The following DMD variants were observed in gnomAD, a reference collection of about 807,000 sequenced individuals.
DMD encodes dystrophin, also known as mutant dystrophin.
In DMD, 63 loss-of-function variants were observed where a neutral mutation model predicts 330.1. The observed-to-expected ratio is 0.19, with a 90% CI of 0.16 to 0.24. The LOEUF is 0.24. DMD is among the 10% of genes least tolerant of loss of function. DMD has a pLI of 1.00. For missense variants in DMD, 3,344 were observed against 2,684.1 expected, an observed-to-expected ratio of 1.25 and a Z score of -5.43; for synonymous variants, 1,223 against 959.8, an observed-to-expected ratio of 1.27 and a Z score of -5.07.
At chrX:31,865,515 T>C (rs1232913695) in intron 48 of DMD, among the ~76,000 whole-genome samples, 1 of 112,062 alleles carries the variant, frequency 8.9e-6, no homozygotes, top group Non-Finnish European at 1.9e-5. Context: ...TACACATCTA[T>C]CTAAGGGAGT....
At chrX:32,598,098 C>A (rs2055775580) in intron 12 of DMD, among the ~76,000 whole-genome samples, 1 of 111,998 alleles carries the variant, frequency 8.9e-6, no homozygotes, top group African/African-American at 3.2e-5. Flanking sequence ...TTATCCTAGG[C>A]TTCTTATTTT....
At chrX:31,181,941 A>AT (rs2041197948) in intron 68 of DMD, among the ~76,000 whole-genome samples, 1 of 112,086 alleles carries the variant, frequency 8.9e-6, no homozygotes, top group African/African-American at 3.2e-5. Flanking sequence ...CAGAATTAGG[A>AT]TTTAGGATTA....
At chrX:31,564,357 T>C (rs913559033) in intron 55 of DMD, among the ~76,000 whole-genome samples, 1 of 111,733 alleles carries the variant, frequency 8.9e-6, no homozygotes, top group Non-Finnish European at 1.9e-5. Flanking sequence ...AAAATGTGTA[T>C]CGTATGCTAC....
chrX:32,215,629 C>A (rs1286147050), intron 44 of DMD, among the ~76,000 whole-genome samples: 8 of 111,522 alleles, frequency 7.2e-5, no homozygotes, highest in Non-Finnish European at 1.3e-4. Flanking sequence ...TATATAACTA[C>A]CTTGGGTTGG....
intron 37 of DMD, among the ~76,000 whole-genome samples, chrX:32,348,869 T>C (rs1325369172): frequency 8.9e-6 from 1 of 111,762 alleles, no homozygotes; most frequent in East Asian, 2.8e-4. Flanking sequence ...CTGATATAAA[T>C]ACATTTGGGT....
chrX:31,470,371 T>C (rs1157341917), intron 59 of DMD, among the ~76,000 whole-genome samples: 2 of 111,781 alleles, frequency 1.8e-5, no homozygotes, highest in Non-Finnish European at 3.8e-5. Flanking sequence ...TGGACGTCCT[T>C]TTTGTTGATG....
At chrX:32,539,197 A>G (rs1162132249) in intron 17 of DMD, among the ~76,000 whole-genome samples, 2 of 108,309 alleles carry the variant, frequency 1.8e-5, no homozygotes, top group Admixed American at 1.0e-4. Flanking sequence ...TTAACAAAAA[A>G]TAGTGTCTAA....
intron 50 of DMD, among the ~76,000 whole-genome samples, chrX:31,787,511 T>A (rs2091362998): frequency 8.9e-6 from 1 of 112,344 alleles, no homozygotes; most frequent in South Asian, 3.7e-4. Context: ...AGTTTTACAC[T>A]CCTTGGGTAT....
chrX:32,393,246 A>G (rs2098016833), intron 30 of DMD, among the ~76,000 whole-genome samples: 1 of 111,093 alleles, frequency 9.0e-6, no homozygotes, highest in Non-Finnish European at 1.9e-5. Context: ...CTGTATATGC[A>G]TACTGGATAC....
chrX:32,619,265 C>A (rs2057812474), intron 11 of DMD, among the ~76,000 whole-genome samples: 1 of 111,166 alleles, frequency 9.0e-6, no homozygotes, highest in Non-Finnish European at 1.9e-5. Flanking sequence ...AGAGCTGATC[C>A]CACAGAAGTA....
chrX:32,816,750 C>T, intron 5 of DMD, 110 bp from the exon 6 acceptor site: 1 of 727,705 alleles, frequency 1.4e-6, no homozygotes, highest in Non-Finnish European at 2.1e-6. Context: ...ATTTTAGGGC[C>T]AATTAGTAAT....
At chrX:31,912,816 C>T (rs983511565) in intron 47 of DMD, among the ~76,000 whole-genome samples, 1 of 112,129 alleles carries the variant, frequency 8.9e-6, no homozygotes, top group Non-Finnish European at 1.9e-5. Context: ...TGGATTCATG[C>T]CTTTGTGTAG....
chrX:32,433,315 C>A (rs750133055), intron 29 of DMD, among the ~76,000 whole-genome samples: 1 of 111,805 alleles, frequency 8.9e-6, no homozygotes, highest in Non-Finnish European at 1.9e-5. Flanking sequence ...AGAGATGGGT[C>A]TAAATGCTCA....
chrX:33,152,941 G>A (rs1569556605), intron 1 of DMD, among the ~76,000 whole-genome samples: 1 of 112,250 alleles, frequency 8.9e-6, no homozygotes, highest in Non-Finnish European at 1.9e-5. Context: ...AAGACAGAAG[G>A]CAATACATTT....
At chrX:32,264,400 A>C (rs757248955) in intron 43 of DMD, among the ~76,000 whole-genome samples, 1 of 111,790 alleles carries the variant, frequency 8.9e-6, no homozygotes, top group African/African-American at 3.3e-5. Flanking sequence ...TAATACAGTA[A>C]ATTGGTACCA....
At chrX:31,313,605 C>T (rs1400917825) in intron 62 of DMD, among the ~76,000 whole-genome samples, 2 of 111,101 alleles carry the variant, frequency 1.8e-5, no homozygotes, top group African/African-American at 6.6e-5. Flanking sequence ...TGAACCTGGG[C>T]TTTTAGTGTA....
At chrX:31,846,210 T>C (rs1362129001) in intron 48 of DMD, among the ~76,000 whole-genome samples, 1 of 110,967 alleles carries the variant, frequency 9.0e-6, no homozygotes, top group Admixed American at 9.7e-5. Context: ...ATATCCTTCA[T>C]TGGAGGTTAA....
intron 1 of DMD, among the ~76,000 whole-genome samples, chrX:33,050,626 C>T (rs2094445696): frequency 9.0e-6 from 1 of 111,364 alleles, no homozygotes; most frequent in South Asian, 3.8e-4. Context: ...AACCTCTAGC[C>T]TTCAAGGGCA....
chrX:32,605,923 G>C (rs1418557036), intron 12 of DMD, among the ~76,000 whole-genome samples: 1 of 109,919 alleles, frequency 9.1e-6, no homozygotes, highest in African/African-American at 3.3e-5. Flanking sequence ...CAGAGTAGGT[G>C]TATTTGTGGG....
Sources: allele counts gnomAD v4.1 joint callset (sites outside exome capture counted in the v4.1 genomes callset), GRCh38; gene constraint gnomAD v4.1.1; transcripts MANE v1.5; gene names NCBI Gene and HGNC (gene_info 2026-07-23, HGNC 2026-07-21).